CHN2: variants seen among roughly 807,000 people sequenced by gnomAD.
CHN2 encodes chimerin 2, also known as beta-chimaerin.
In CHN2, 35 loss-of-function variants were observed where a neutral mutation model predicts 56.3. The observed-to-expected ratio is 0.62, with a 90% CI of 0.47 to 0.82. The LOEUF is 0.82. CHN2 is among the 40% of genes least tolerant of loss of function. The pLI, the probability that CHN2 is intolerant of heterozygous loss-of-function variation, is 0.00. For synonymous variants in CHN2, 210 were observed against 212.8 expected (o/e 0.99, Z 0.12); for missense variants, 491 against 580.5 (o/e 0.85, Z 1.58).
chr7:29,176,992 A>G lies in CHN2; in HGVS notation c.274+30032A>G, dbSNP rs188032304. Among the ~76,000 whole-genome samples the G allele has an allele frequency of 2.8e-4, 42 of 152,330 alleles. 1 individual carries two copies. The highest frequency in any genetic ancestry group is 3.4e-3 in the Middle Eastern group (1 of 294). ...AAATACAGAGAAAATGGGAATGAAAAAAAATCATTTAATACAAAAGAAAGC... is the reference window on the plus strand; with the variant it reads ...AAATACAGAGAAAATGGGAATGAAAGAAAATCATTTAATACAAAAGAAAGC... On this transcript the variant is annotated intron_variant, in intron 2 of 6. Transcript: ENST00000439384.
At chr7:29,477,219 T>A (rs1208277108) in intron 6 of CHN2, among the ~76,000 whole-genome samples, 1 of 152,214 alleles carries the variant, frequency 6.6e-6, no homozygotes, top group African/African-American at 2.4e-5. Flanking sequence ...TAGTCCCCTG[T>A]AAAGAAGCAT....
At chr7:29,502,521 T>A (rs1183147822) in intron 9 of CHN2, among the ~76,000 whole-genome samples, 1 of 152,160 alleles carries the variant, frequency 6.6e-6, no homozygotes, top group East Asian at 1.9e-4. Context: ...AACAGAAGAA[T>A]GGGAGAACAA....
intron 2 of CHN2, among the ~76,000 whole-genome samples, chr7:29,163,435 T>A (rs918011123): frequency 6.6e-6 from 1 of 152,200 alleles, no homozygotes; most frequent in Non-Finnish European, 1.5e-5. Context: ...ATGTGATTCA[T>A]ATTATATTTC....
chr7:29,273,592 C>G (rs749034636), intron 1 of CHN2, among the ~76,000 whole-genome samples: 1 of 151,592 alleles, frequency 6.6e-6, no homozygotes, highest in Non-Finnish European at 1.5e-5. Context: ...CTGTAGGACT[C>G]TCTGTACTGT....
At chr7:29,414,380 G>T (rs1803529352) in intron 6 of CHN2, among the ~76,000 whole-genome samples, 1 of 152,162 alleles carries the variant, frequency 6.6e-6, no homozygotes, top group Non-Finnish European at 1.5e-5. Context: ...AGGAAAGGAA[G>T]AAGTGCTAGC....
intron 10 of CHN2, among the ~76,000 whole-genome samples, chr7:29,505,948 C>G (rs924914791): frequency 6.6e-6 from 1 of 152,134 alleles, no homozygotes; most frequent in Admixed American, 6.6e-5. Flanking sequence ...TATGCTTTTA[C>G]TGTTTTCTAT....
chr7:29,371,419 CA>C (rs1180350096), intron 3 of CHN2, among the ~76,000 whole-genome samples: 1 of 152,324 alleles, frequency 6.6e-6, no homozygotes, highest in East Asian at 1.9e-4. Context: ...TGGGCAGCCG[CA>C]GCACCTGATG....
chr7:29,465,027 TA>T (rs529213228), intron 6 of CHN2, among the ~76,000 whole-genome samples: 295 of 152,328 alleles, frequency 1.9e-3, no homozygotes, highest in African/African-American at 6.7e-3. Context: ...TTTGTTTTTA[TA>T]AATTCACATC....
At chr7:29,194,728 C>A (rs547794773), upstream of CHN2, 13 of 431,614 alleles carry the variant, frequency 3.0e-5, 1 homozygote, top group South Asian at 7.6e-4. Context: ...AGGCGCGGAG[C>A]GGGACGGAAA....
At chr7:29,284,479 C>G (rs1263871247) in intron 1 of CHN2, among the ~76,000 whole-genome samples, 2 of 152,194 alleles carry the variant, frequency 1.3e-5, no homozygotes, top group Non-Finnish European at 2.9e-5. Flanking sequence ...CCCTGAAGAA[C>G]CAAACAGCCT....
intron 2 of CHN2, among the ~76,000 whole-genome samples, chr7:29,151,885 C>T (rs1793644314): frequency 6.6e-6 from 1 of 152,212 alleles, no homozygotes; most frequent in Non-Finnish European, 1.5e-5. Flanking sequence ...TGGCCCATAG[C>T]AAGCAGGTCA....
chr7:29,368,075 G>A (rs1585177343), intron 3 of CHN2, 88 bp downstream of exon 3: 5 of 1,101,074 alleles, frequency 4.5e-6, no homozygotes, highest in Non-Finnish European at 5.0e-6. Flanking sequence ...CAGGTTTCCT[G>A]GGAGTTGATT....
intron 6 of CHN2, among the ~76,000 whole-genome samples, chr7:29,436,963 TAAA>T (rs1171833042): frequency 1.3e-5 from 2 of 150,548 alleles, no homozygotes; most frequent in Non-Finnish European, 3.0e-5. Context: ...ATAATAATAA[TAAA>T]ATTTACTCTT....
intron 2 of CHN2, among the ~76,000 whole-genome samples, chr7:29,176,801 G>C (rs1797408183): frequency 6.6e-6 from 1 of 152,140 alleles, no homozygotes. Flanking sequence ...AGAAGGAAGA[G>C]CATATAAATA....
rs189180673 is a variant in CHN2 at position 29,443,252 on chromosome 7, A to T, written c.577-37027A>T. Among the ~76,000 whole-genome samples, 574 of 151,946 alleles carry T rather than the reference A, an allele frequency of 3.8e-3. 5 individuals carry two copies. The highest frequency in any genetic ancestry group is 5.6e-3 in the Non-Finnish European group (383 of 67,940). ...ACTGTGCCCGGCCCAATTTCATTGA[A>T]TTTCTAACTGAAATAGAACTGAATC... On this transcript the variant is annotated intron_variant, in intron 6 of 12. Transcript: ENST00000222792.
At chr7:29,273,377 A>ATATATG (rs1790899215) in intron 1 of CHN2, among the ~76,000 whole-genome samples, 3 of 52,406 alleles carry the variant, frequency 5.7e-5, no homozygotes, top group Non-Finnish European at 1.0e-4. Context: ...ATATATATAT[A>ATATATG]TATATATATA....
intron 6 of CHN2, among the ~76,000 whole-genome samples, chr7:29,417,355 A>G (rs1803869806): frequency 7.5e-6 from 1 of 134,104 alleles, no homozygotes; most frequent in Non-Finnish European, 1.6e-5. Context: ...TTTTTTTTTA[A>G]GACAGAGTCT....
rs116450093 is a variant in CHN2, at chr7:29,198,824, C to A, written c.49+3834C>A. On this transcript the variant is annotated intron_variant, in intron 1 of 12. Coordinates refer to ENST00000222792, the MANE Select transcript of CHN2 (RefSeq NM_004067.4). ...TTTCACAGTCAAGAAAAAAATCAAC[C>A]CAAGCAAATCAATAAATAAAGAAGA... Among the ~76,000 whole-genome samples the A allele has an allele frequency of 7.6e-3, 1,151 of 152,048 alleles. 19 individuals carry two copies. The highest frequency in any genetic ancestry group is 0.026 in the African/African-American group (1,097 of 41,476).
At chr7:29,476,261 G>A (rs1786575094) in intron 6 of CHN2, among the ~76,000 whole-genome samples, 1 of 152,120 alleles carries the variant, frequency 6.6e-6, no homozygotes, top group South Asian at 2.1e-4. Flanking sequence ...AGTGGGCCGG[G>A]TGCCATGGCT....
Sources: gnomAD v4.1 joint callset for allele counts (sites outside exome capture counted in the v4.1 genomes callset) on GRCh38, gnomAD v4.1.1 for gene constraint, MANE v1.5 for transcripts, NCBI Gene and HGNC (gene_info 2026-07-23, HGNC 2026-07-21) for gene names.